PRDM16: variants seen among roughly 807,000 people sequenced by gnomAD.
PRDM16 encodes the protein PR/SET domain 16.
Under a neutral mutation model 110.6 loss-of-function variants are expected in PRDM16, and 23 were observed. That is an observed-to-expected ratio of 0.21 (90% CI 0.15 to 0.29). PRDM16 has a LOEUF of 0.29. Among genes scored for constraint, PRDM16 ranks in the 10% least tolerant of loss-of-function variants. The pLI is 1.00. For synonymous variants in PRDM16, 799 were observed against 781.8 expected (o/e 1.02, Z -0.37); for missense variants, 1,615 against 1,794.3 (o/e 0.90, Z 1.81).
chr1:3,333,871 G>A (rs1256712691), intron 3 of PRDM16, among the ~76,000 whole-genome samples: 1 of 152,092 alleles, frequency 6.6e-6, no homozygotes, highest in Non-Finnish European at 1.5e-5. Context: ...TCTATCACAT[G>A]TCACACGCAG....
intron 1 of PRDM16, among the ~76,000 whole-genome samples, chr1:3,125,349 A>G (rs1056872834): frequency 1.3e-5 from 2 of 152,242 alleles, no homozygotes; most frequent in Non-Finnish European, 2.9e-5. Flanking sequence ...GGATGGGCAA[A>G]GAGGACGGTC....
In PRDM16 at chr1:3,353,261, G is replaced by A. The variant is rs1430425774; in HGVS notation, c.439-31891G>A. Among the ~76,000 whole-genome samples the A allele has an allele frequency of 6.6e-6, 1 of 152,226 alleles. No individual in the cohort carries two copies. Among genetic ancestry groups the A allele is most frequent in the Non-Finnish European group, 1.5e-5 (1 of 68,034 alleles). ...GTGCGGTAAAAGTTTACGAGGGCTG[G>A]GCAGCTCCTAGGCATGGGCAGGCCC... is the stretch of plus-strand genomic sequence containing the variant. On this transcript the variant is annotated intron_variant, in intron 3 of 16. Transcript: ENST00000270722. This position sits in a 1 kb window ranked among gnomAD's most constrained non-coding sequence, Gnocchi z 5.4.
At chr1:3,145,664 C>T (rs35602399) in intron 1 of PRDM16, among the ~76,000 whole-genome samples, 8,295 of 152,250 alleles carry the variant, frequency 0.054, 330 homozygotes, top group East Asian at 0.13. Context: ...ACAGTCAGGA[C>T]GTGCTTCACT....
At chr1:3,088,448 A>ATTATTATTTAT (rs373778011) in intron 1 of PRDM16, among the ~76,000 whole-genome samples, 37,445 of 145,780 alleles carry the variant, frequency 0.26, 5,125 homozygotes, top group Middle Eastern at 0.29. Flanking sequence ...GGATTCTTTT[A>ATTATTATTTAT]TTATTTATTT....
At chr1:3,332,441 T>TG (rs942990774) in intron 3 of PRDM16, among the ~76,000 whole-genome samples, 17 of 138,008 alleles carry the variant, frequency 1.2e-4, no homozygotes, top group East Asian at 2.1e-4. Context: ...TAGGGAGCGG[T>TG]GGGGGGGCGT....
chr1:3,238,822 AC>A (rs1639597773), intron 2 of PRDM16, among the ~76,000 whole-genome samples: 1 of 152,174 alleles, frequency 6.6e-6, no homozygotes, highest in South Asian at 2.1e-4. Flanking sequence ...GCCGGAGCAC[AC>A]TCCTGGAGTC....
intron 2 of PRDM16, among the ~76,000 whole-genome samples, chr1:3,210,260 A>G (rs925553151): frequency 1.3e-5 from 2 of 152,194 alleles, no homozygotes; most frequent in East Asian, 3.9e-4. Flanking sequence ...GGATCCTTGC[A>G]CTAGGATTCA....
chr1:3,113,229 C>T (rs1263785258), intron 1 of PRDM16, among the ~76,000 whole-genome samples: 4 of 152,314 alleles, frequency 2.6e-5, no homozygotes, highest in South Asian at 4.1e-4. Flanking sequence ...CTGGTCAGCC[C>T]GTCTGCGGTG....
intron 3 of PRDM16, among the ~76,000 whole-genome samples, chr1:3,266,347 C>G (rs922137776): frequency 1.3e-5 from 2 of 152,174 alleles, no homozygotes; most frequent in African/African-American, 2.4e-5. Flanking sequence ...GCCGAGCACC[C>G]GTAATCCACC....
intron 2 of PRDM16, among the ~76,000 whole-genome samples, chr1:3,223,368 C>T (rs901664882): frequency 6.6e-6 from 1 of 152,060 alleles, no homozygotes; most frequent in East Asian, 1.9e-4. Context: ...CTGCTAGAAG[C>T]GCTGCTGATG....
intron 3 of PRDM16, among the ~76,000 whole-genome samples, chr1:3,334,440 AG>A (rs1642104518): frequency 6.6e-6 from 1 of 151,812 alleles, no homozygotes; most frequent in East Asian, 1.9e-4. Flanking sequence ...AGATGTCACT[AG>A]GGTCATTTCT....
intron 1 of PRDM16, among the ~76,000 whole-genome samples, chr1:3,142,102 G>C (rs902949856): frequency 6.6e-6 from 1 of 152,252 alleles, no homozygotes; most frequent in Admixed American, 6.5e-5. Context: ...AAGCTCGTGA[G>C]AAACGGAGCT....
chr1:3,377,467 T>C lies in PRDM16; in HGVS notation c.439-7685T>C, dbSNP rs931503185. Among the ~76,000 whole-genome samples, 33 of 152,252 alleles carry C rather than the reference T, an allele frequency of 2.2e-4. 4 individuals are homozygous for C. Among genetic ancestry groups the C allele is most frequent in the Admixed American group, 1.1e-3 (17 of 15,296 alleles). ...GAAGTGCAGGAAACCTCAAATTATA[T>C]GCAAAAAATGTAAAGGTTAAGAGAA... On this transcript the variant is annotated intron_variant, in intron 3 of 16. Transcript: ENST00000270722.
chr1:3,232,911 G>A (rs955464232), intron 2 of PRDM16, among the ~76,000 whole-genome samples: 3 of 151,252 alleles, frequency 2.0e-5, no homozygotes, highest in African/African-American at 7.3e-5. Context: ...GGAGATCTAC[G>A]ACCCTTCTTA....
At position 3,213,545 on chromosome 1, in the gene PRDM16, C is replaced by T. The variant is rs972733070; in HGVS notation, c.387+27071C>T. Among the ~76,000 whole-genome samples the T allele has an allele frequency of 1.3e-5, 2 of 152,152 alleles. No individual in the cohort carries two copies. The highest frequency in any genetic ancestry group is 2.9e-5 in the Non-Finnish European group (2 of 68,034). On this transcript the variant is annotated intron_variant, in intron 2 of 16. Transcript: ENST00000270722. The surrounding 1 kb of genome is among the most constrained non-coding windows in gnomAD (Gnocchi z 5.3). Reference sequence around the variant, plus strand: ...GGGGGGTTGCTAGAGAGTCCTTTGTCGCCTCCCTGGGGGCACAGACACCTG... The same window carrying T: ...GGGGGGTTGCTAGAGAGTCCTTTGTTGCCTCCCTGGGGGCACAGACACCTG...
At chr1:3,294,682 G>C (rs1014128588) in intron 3 of PRDM16, among the ~76,000 whole-genome samples, 1 of 152,088 alleles carries the variant, frequency 6.6e-6, no homozygotes, top group Non-Finnish European at 1.5e-5. Context: ...CAGGCCTCGC[G>C]GGCTGGGCTG....
At chr1:3,356,313 CT>C (rs1642599379) in intron 3 of PRDM16, among the ~76,000 whole-genome samples, 1 of 152,242 alleles carries the variant, frequency 6.6e-6, no homozygotes, top group African/African-American at 2.4e-5. Flanking sequence ...GACAGTGCCC[CT>C]GGCCAGGGCG....
intron 1 of PRDM16, among the ~76,000 whole-genome samples, chr1:3,178,634 C>G (rs775138034): frequency 8.5e-5 from 13 of 152,188 alleles, no homozygotes; most frequent in Non-Finnish European, 1.8e-4. Context: ...GCCTAGTTCC[C>G]TCTGTTAAAC....
chr1:3,289,245 C>G (rs1312011096), intron 3 of PRDM16, among the ~76,000 whole-genome samples: 1 of 152,190 alleles, frequency 6.6e-6, no homozygotes, highest in African/African-American at 2.4e-5. Context: ...GCTGCTGAGA[C>G]TGAGGCCCAA....
Sources: gnomAD v4.1 joint callset for allele counts (sites outside exome capture counted in the v4.1 genomes callset) on GRCh38, gnomAD v4.1.1 for gene constraint, Gnocchi (gnomAD v3.1) non-coding constraint, MANE v1.5 for transcripts, NCBI Gene and HGNC (gene_info 2026-07-23, HGNC 2026-07-21) for gene names.